Variants in CSMD1 observed in about 807,000 individuals in gnomAD.
CSMD1 encodes the protein CUB and sushi domain-containing protein 1.
In CSMD1, 213 loss-of-function variants were observed where a neutral mutation model predicts 417.5. The observed-to-expected ratio is 0.51, with a 90% CI of 0.46 to 0.57. The LOEUF (loss-of-function observed/expected upper bound fraction) is 0.57. Ranked by LOEUF, CSMD1 falls within the 20% of genes least tolerant of loss-of-function variation. The pLI, the probability that CSMD1 is intolerant of heterozygous loss-of-function variation, is 0.00. For missense variants in CSMD1, 6,923 were observed against 4,529.7 expected, an observed-to-expected ratio of 1.53 and a Z score of -15.17; for synonymous variants, 2,862 against 1,736.8, an observed-to-expected ratio of 1.65 and a Z score of -16.11.
At chr8:2,986,681 T>A (rs1805939420) in intron 54 of CSMD1, among the ~76,000 whole-genome samples, 1 of 151,986 alleles carries the variant, frequency 6.6e-6, no homozygotes, top group African/African-American at 2.4e-5. Context: ...ATTTTTTGTA[T>A]TTTTAGTAGA....
chr8:4,863,661 A>G (rs529811234), intron 1 of CSMD1, among the ~76,000 whole-genome samples: 1 of 152,162 alleles, frequency 6.6e-6, no homozygotes, highest in African/African-American at 2.4e-5. Flanking sequence ...AGAATGTCTA[A>G]TTTGAATCTA....
At chr8:4,399,914 A>G (rs1373937624) in intron 3 of CSMD1, among the ~76,000 whole-genome samples, 2 of 152,158 alleles carry the variant, frequency 1.3e-5, no homozygotes, top group Non-Finnish European at 2.9e-5. Context: ...ATGAGAAGTA[A>G]AAGGTTGGCT....
At chr8:3,281,520 G>C (rs541779926) in intron 26 of CSMD1, among the ~76,000 whole-genome samples, 1 of 152,096 alleles carries the variant, frequency 6.6e-6, no homozygotes, top group Non-Finnish European at 1.5e-5. Context: ...GAAATGATCC[G>C]TACAGCCATG....
At chr8:3,539,379 T>C (rs1416054183) in intron 10 of CSMD1, among the ~76,000 whole-genome samples, 1 of 152,178 alleles carries the variant, frequency 6.6e-6, no homozygotes, top group Non-Finnish European at 1.5e-5. Flanking sequence ...CTATAAGAAG[T>C]ATATACATAT....
At chr8:3,365,645 C>G (rs1239456788) in intron 20 of CSMD1, among the ~76,000 whole-genome samples, 2 of 152,180 alleles carry the variant, frequency 1.3e-5, no homozygotes, top group Non-Finnish European at 2.9e-5. Context: ...CATGAAAGCA[C>G]AAAATATATG....
chr8:3,711,502 A>G (rs13248756), intron 6 of CSMD1, among the ~76,000 whole-genome samples: 2,257 of 152,260 alleles, frequency 0.015, 31 homozygotes, highest in Non-Finnish European at 0.021. Context: ...TGCACTACGG[A>G]ACTCTCAGAG....
intron 5 of CSMD1, among the ~76,000 whole-genome samples, chr8:3,828,228 T>C (rs1031163986): frequency 6.6e-6 from 1 of 152,156 alleles, no homozygotes; most frequent in South Asian, 2.1e-4. Context: ...GACACTCTTA[T>C]TATCATGAAA....
intron 7 of CSMD1, among the ~76,000 whole-genome samples, chr8:3,659,583 C>A (rs551776420): frequency 8.7e-4 from 133 of 152,178 alleles, no homozygotes; most frequent in Non-Finnish European, 1.7e-3. Context: ...AAAAATGATT[C>A]AACTGTGAAT....
intron 5 of CSMD1, among the ~76,000 whole-genome samples, chr8:3,906,660 T>C (rs1242913040): frequency 6.6e-6 from 1 of 151,794 alleles, no homozygotes; most frequent in Non-Finnish European, 1.5e-5. Flanking sequence ...AAGTACACCT[T>C]GCACAGCAGA....
At position 3,219,393 on chromosome 8, in the gene CSMD1, C is replaced by G. The variant is rs1798072134; in HGVS notation, c.4534G>C (p.Asp1512His). The G allele has an allele frequency of 1.3e-6, 2 of 1,564,182 alleles. No individual in the cohort carries two copies. The highest frequency in any genetic ancestry group is 1.7e-6 in the Non-Finnish European group (2 of 1,154,304). ...YDFLHIYEGE[D>H]SNSPLIGSYQ... Reference sequence around the variant, plus strand: ...CTCCCAATGAGGGGGCTGTTGGAATCTTCCCCTTCATAGATGTGTAGGAAG... The same window carrying G: ...CTCCCAATGAGGGGGCTGTTGGAATGTTCCCCTTCATAGATGTGTAGGAAG... Residue 1512 changes from aspartate to histidine, a missense_variant, in exon 29 of 70, where the codon GAT becomes CAT. By Grantham distance (81) the Asp-to-His change is moderately conservative. Coordinates refer to ENST00000635120, the MANE Select transcript of CSMD1 (RefSeq NM_033225.6).
chr8:3,977,667 C>T (rs1391824109), intron 5 of CSMD1, among the ~76,000 whole-genome samples: 1 of 152,186 alleles, frequency 6.6e-6, no homozygotes, highest in Admixed American at 6.5e-5. Flanking sequence ...CCTTTCTGCT[C>T]ATAAGAATGT....
At chr8:3,528,453 G>A (rs185582356) in intron 10 of CSMD1, among the ~76,000 whole-genome samples, 1 of 152,318 alleles carries the variant, frequency 6.6e-6, no homozygotes, top group African/African-American at 2.4e-5. Context: ...CTGCTTCTAT[G>A]CCTTGCTTCA....
intron 12 of CSMD1, among the ~76,000 whole-genome samples, chr8:3,430,156 C>T (rs1033569282): frequency 6.6e-6 from 1 of 152,074 alleles, no homozygotes. Context: ...TGAATATACA[C>T]ACAACTATAC....
At chr8:4,027,443 C>T (rs1323689894) in intron 4 of CSMD1, among the ~76,000 whole-genome samples, 2 of 152,058 alleles carry the variant, frequency 1.3e-5, no homozygotes, top group Non-Finnish European at 2.9e-5. Context: ...GGGGTGGGTC[C>T]TCCATGCTGT....
chr8:4,104,758 C>T (rs950840891), intron 3 of CSMD1, among the ~76,000 whole-genome samples: 29 of 152,146 alleles, frequency 1.9e-4, no homozygotes, highest in African/African-American at 6.8e-4. Context: ...AAGCACAATC[C>T]GGCTTTCCGT....
intron 10 of CSMD1, among the ~76,000 whole-genome samples, chr8:3,571,550 G>A (rs185095263): frequency 6.6e-6 from 1 of 151,348 alleles, no homozygotes; most frequent in African/African-American, 2.4e-5. Flanking sequence ...CACCCACGGC[G>A]TCATCTCTCT....
Position 4,376,185 on chromosome 8 carries a change from A to G in CSMD1, c.415+43768T>C, listed in dbSNP as rs183417099. 1.5e-4 allele frequency among the ~76,000 whole-genome samples: 23 copies of G among 152,276 alleles called. No individual in the cohort carries two copies. In the East Asian group the frequency reaches 4.1e-3, roughly 27 times the overall value. On this transcript the variant is annotated intron_variant, in intron 3 of 69. Transcript: ENST00000635120. ...GTGTGCTTAACAACTGTATCAAAAG[A>G]ATTTATTTTCTGCTGGCTCTGTTTG...
intron 3 of CSMD1, among the ~76,000 whole-genome samples, chr8:4,084,394 A>G (rs1031241013): frequency 2.0e-5 from 3 of 152,276 alleles, no homozygotes; most frequent in African/African-American, 7.2e-5. Flanking sequence ...TATGCGATTT[A>G]AATTTTTTAA....
At chr8:3,285,204 C>T (rs1803054433) in intron 25 of CSMD1, among the ~76,000 whole-genome samples, 1 of 152,228 alleles carries the variant, frequency 6.6e-6, no homozygotes, top group African/African-American at 2.4e-5. Flanking sequence ...AAACTACCCA[C>T]GAGTCTCAAC....
Sources: gnomAD v4.1 joint callset for allele counts (sites outside exome capture counted in the v4.1 genomes callset) on GRCh38, gnomAD v4.1.1 for gene constraint, MANE v1.5 for transcripts, NCBI Gene and HGNC (gene_info 2026-07-23, HGNC 2026-07-21) for gene names.